Variants in TOPBP1 observed in about 807,000 individuals in gnomAD.
The protein encoded by TOPBP1 is DNA topoisomerase II binding protein 1, also known as DNA topoisomerase 2-binding protein 1.
TOPBP1 carries 28 observed loss-of-function variants against 167.7 expected under a neutral mutation model. The ratio of observed to expected loss-of-function variants is 0.17; its 90% confidence interval spans 0.12 to 0.23. The LOEUF (loss-of-function observed/expected upper bound fraction) is 0.23. TOPBP1 is among the 10% of genes least tolerant of loss of function. The pLI, the probability that TOPBP1 is intolerant of heterozygous loss-of-function variation, is 1.00. For synonymous variants in TOPBP1, 598 were observed against 611.4 expected (o/e 0.98, Z 0.32); for missense variants, 1,554 against 1,809.6 (o/e 0.86, Z 2.56).
intron 14 of TOPBP1, among the ~76,000 whole-genome samples, chr3:133,636,517 C>G (rs1254560708): frequency 6.6e-6 from 1 of 152,096 alleles, no homozygotes; most frequent in Non-Finnish European, 1.5e-5. Context: ...AAACACTGCT[C>G]AATAAACTAT....
At chr3:133,628,871 G>A (rs1935366663) in intron 14 of TOPBP1, 138 bp from the exon 15 acceptor site, 4 of 807,952 alleles carry the variant, frequency 5.0e-6, no homozygotes, top group Non-Finnish European at 5.7e-6. Context: ...CAAAATTAAT[G>A]GATTACAGTT....
chr3:133,618,835 A>C (rs1229021746), intron 20 of TOPBP1, among the ~76,000 whole-genome samples: 1 of 152,152 alleles, frequency 6.6e-6, no homozygotes, highest in Admixed American at 6.5e-5. Context: ...AACAGTAGTT[A>C]TATTTTTTAA....
intron 2 of TOPBP1, 105 bp from the exon 3 acceptor site, chr3:133,659,255 C>A: frequency 8.5e-7 from 1 of 1,174,916 alleles, no homozygotes; most frequent in Middle Eastern, 2.9e-4. Context: ...TGAAAGCCAC[C>A]ATCACATCTC....
At chr3:133,618,106 T>A in intron 21 of TOPBP1, 107 bp downstream of exon 21, 1 of 939,292 alleles carries the variant, frequency 1.1e-6, no homozygotes, top group Non-Finnish European at 1.6e-6. Context: ...CGAAGTTTTT[T>A]TTGTTTGCAC....
chr3:133,608,278 G>A (rs887379364), intron 27 of TOPBP1, among the ~76,000 whole-genome samples: 3 of 152,070 alleles, frequency 2.0e-5, no homozygotes, highest in African/African-American at 7.2e-5. Flanking sequence ...ATTTTAAAGG[G>A]TATTTTTAAA....
In TOPBP1 at chr3:133,617,180, C is replaced by G; in HGVS notation, c.3739G>C (p.Ala1247Pro). ...CAAACCTTTTCTCTAGGGTGCGGAG[C>G]CACAGGGGGGTTGGCGAGTGGAAAG... ...IAFPLANPPV[A>P]PHPREKIITI... Residue 1247 changes from alanine to proline, a missense_variant, in exon 22 of 28, where the codon GCT becomes CCT. Physicochemically the swap from Ala to Pro is conservative, Grantham distance 27. Coordinates refer to ENST00000260810, the MANE Select transcript of TOPBP1 (RefSeq NM_007027.4). 6.2e-7 allele frequency: 1 copy of G among 1,612,340 alleles called. No individual in the cohort carries two copies. Among genetic ancestry groups the G allele is most frequent in the East Asian group, 2.2e-5 (1 of 44,800 alleles).
At position 133,618,217 on chromosome 3, in the gene TOPBP1, T is replaced by G. The variant is rs1471867931; in HGVS notation, c.3588A>C (p.Lys1196Asn). The G allele has an allele frequency of 6.2e-7, 1 of 1,612,698 alleles. No homozygotes were observed. Among genetic ancestry groups the G allele is most frequent in the Non-Finnish European group, 8.5e-7 (1 of 1,178,762 alleles). ...QKPLHDSEIA[K>N]QAVCDPGNIR... Reference sequence around the variant, plus strand: ...CAAAGATTTCTTTCTTGTTACCCTGTTTAGCAATTTCTGAATCATGTAAAG... The same window carrying G: ...CAAAGATTTCTTTCTTGTTACCCTGGTTAGCAATTTCTGAATCATGTAAAG... The change falls in exon 21 of 28, where the codon AAA (lysine) becomes AAC (asparagine). Residue 1196 changes from lysine to asparagine, a missense_variant. Lys to Asn is a moderately conservative substitution (Grantham distance 94). Around this residue, in one of 3 missense-constraint regions of TOPBP1, gnomAD observed 351 missense variants for 432.9 expected, o/e 0.81. Transcript: ENST00000260810.
intron 14 of TOPBP1, 118 bp from the exon 15 acceptor site, chr3:133,628,851 G>T: frequency 1.0e-6 from 1 of 995,916 alleles, no homozygotes; most frequent in Non-Finnish European, 1.4e-6. Flanking sequence ...GAGAGAAGGG[G>T]GAGAATCCTC....
chr3:133,606,244 G>T (rs1054644738), intron 27 of TOPBP1, among the ~76,000 whole-genome samples: 1 of 151,932 alleles, frequency 6.6e-6, no homozygotes, highest in Non-Finnish European at 1.5e-5. Context: ...GCAGCAAATT[G>T]TAGAAAAAAA....
intron 19 of TOPBP1, among the ~76,000 whole-genome samples, chr3:133,621,889 G>A (rs1022525427): frequency 3.3e-5 from 5 of 152,096 alleles, no homozygotes; most frequent in Non-Finnish European, 4.4e-5. Context: ...AAGCAAGAAA[G>A]TAGAAATAAC....
intron 20 of TOPBP1, 30 bp downstream of exon 20, chr3:133,620,125 G>A: frequency 6.4e-7 from 1 of 1,572,700 alleles, no homozygotes; most frequent in South Asian, 1.2e-5. Flanking sequence ...AAGTCATCTA[G>A]TCTTTCTGCC....
chr3:133,649,311 A>T, intron 10 of TOPBP1, 72 bp downstream of exon 10: 5 of 1,497,530 alleles, frequency 3.3e-6, no homozygotes, highest in Non-Finnish European at 3.6e-6. Flanking sequence ...ACTTGGCAGA[A>T]ATCACATATG....
intron 3 of TOPBP1, 95 bp downstream of exon 3, chr3:133,658,921 A>G (rs1051891604): frequency 9.0e-6 from 12 of 1,333,746 alleles, no homozygotes; most frequent in African/African-American, 1.5e-5. Flanking sequence ...CATAAGTTGC[A>G]TAGTACTTTA....
chr3:133,653,528 T>A lies in TOPBP1; in HGVS notation c.743-4A>T, dbSNP rs1181257289. On this transcript the variant is annotated splice_region_variant and splice_polypyrimidine_tract_variant and intron_variant, in intron 6 of 27. Coordinates refer to ENST00000260810, the MANE Select transcript of TOPBP1 (RefSeq NM_007027.4). ...TTGGCACACTCATACTTCTGACCTG[T>A]GGCGTTCATTAAGAAAGAAATAGAG... The A allele has an allele frequency of 6.5e-7, 1 of 1,532,366 alleles. No homozygotes were observed. The highest frequency in any genetic ancestry group is 8.7e-7 in the Non-Finnish European group (1 of 1,145,530). The allele number at this position is 1,532,366 out of a possible 1,614,324, so 94.9% of individuals were successfully genotyped here. A position where few individuals can be genotyped will look rare whatever the true frequency, so the allele number is the denominator to read the frequency against.
intron 8 of TOPBP1, among the ~76,000 whole-genome samples, chr3:133,650,779 T>C (rs1936266659): frequency 6.6e-6 from 1 of 152,172 alleles, no homozygotes; most frequent in Non-Finnish European, 1.5e-5. Context: ...TTAAAAGCTA[T>C]ATCTAGAATT....
At chr3:133,613,355 G>C (rs923376223) in intron 23 of TOPBP1, among the ~76,000 whole-genome samples, 3 of 152,126 alleles carry the variant, frequency 2.0e-5, no homozygotes, top group Non-Finnish European at 4.4e-5. Flanking sequence ...TCTTCACTTG[G>C]ATTGTTATAA....
chr3:133,656,983 A>T, intron 4 of TOPBP1, 126 bp from the exon 5 acceptor site: 1 of 847,604 alleles, frequency 1.2e-6, no homozygotes, highest in Non-Finnish European at 1.6e-6. Flanking sequence ...TAACATTATA[A>T]AGTTAAATAA....
rs777855448 is a variant in TOPBP1 at position 133,644,360 on chromosome 3, T to G, written c.1508A>C (p.Glu503Ala). 4 of 1,556,974 alleles carry G rather than the reference T, an allele frequency of 2.6e-6. No homozygotes were observed. In the Admixed American group the frequency reaches 8.5e-5, roughly 33 times the overall value. Residue 503 changes from glutamate (E) to alanine (A), a missense_variant, in exon 11 of 28, where the codon GAG (glutamate) becomes GCG (alanine). By Grantham distance (107) the Glu-to-Ala change is moderately radical. Around this residue, in one of 3 missense-constraint regions of TOPBP1, gnomAD observed 1,197 missense variants for 1,351.5 expected, o/e 0.89. Coordinates refer to ENST00000260810, the MANE Select transcript of TOPBP1 (RefSeq NM_007027.4). ...QYENGSSTVV[E>A]AKTSEARPFN... ...GGGCCTGGCTTCAGACGTCTTAGCC[T>G]CAACTGAAAGAGAAAAGTAAATGTT...
chr3:133,606,458 TAG>T (rs964885590), intron 27 of TOPBP1, among the ~76,000 whole-genome samples: 2 of 150,860 alleles, frequency 1.3e-5, no homozygotes, highest in African/African-American at 2.4e-5. Flanking sequence ...AGTTGGTCTA[TAG>T]AGTCAGTGCA....
Sources: allele counts gnomAD v4.1 joint callset (sites outside exome capture counted in the v4.1 genomes callset), GRCh38; gene constraint gnomAD v4.1.1; regional missense constraint gnomAD v4.1.1; transcripts MANE v1.5; gene names NCBI Gene and HGNC (gene_info 2026-07-23, HGNC 2026-07-21).